Variants in AMZ1 observed in about 807,000 individuals in gnomAD.
AMZ1 encodes the protein archaelysin family metallopeptidase 1, also known as archaemetzincin-1.
AMZ1 carries 39 observed loss-of-function variants against 29.9 expected under a neutral mutation model. That is an observed-to-expected ratio of 1.30 (90% CI 1.01 to 1.70). AMZ1 has a LOEUF of 1.70. Among genes scored for constraint, AMZ1 ranks in the 40% most tolerant of loss-of-function variants. AMZ1 has a pLI of 0.00. For missense variants in AMZ1, 1,041 were observed against 680.6 expected (o/e 1.53, Z -5.89); for synonymous variants, 458 against 304.0 (o/e 1.51, Z -5.27).
At chr7:2,684,747 C>T (rs972950517), upstream of AMZ1, among the ~76,000 whole-genome samples, 8 of 152,158 alleles carry the variant, frequency 5.3e-5, no homozygotes, top group African/African-American at 1.9e-4. Flanking sequence ...GGGGTCCTGG[C>T]ACTGGGCATG....
Position 2,700,651 on chromosome 7 carries a change from T to C in AMZ1, c.200T>C (p.Leu67Pro). Residue 67 changes from leucine (L) to proline (P), a missense_variant, in exon 2 of 7, where the codon CTC (leucine) becomes CCC (proline). Coordinates refer to ENST00000683327, the MANE Select transcript of AMZ1 (RefSeq NM_001384743.1). ...CTCATCCGCACGGGCTTCGACTGGC[T>C]CCTGAGCCGACCCGAGGCTCCCGAG... is the stretch of plus-strand genomic sequence containing the variant. ...TLLIRTGFDW[L>P]LSRPEAPEDF... is the part of the protein sequence containing the mutation. 1 of 1,612,170 alleles carries C rather than the reference T, an allele frequency of 6.2e-7. No homozygotes were observed. Among genetic ancestry groups the C allele is most frequent in the Non-Finnish European group, 8.5e-7 (1 of 1,180,000 alleles).
chr7:2,718,949 A>C lies in AMZ1; in HGVS notation c.*6071A>C, dbSNP rs955169491. On this transcript the variant is annotated 3_prime_UTR_variant, in exon 7 of 7. Coordinates refer to ENST00000683327, the MANE Select transcript of AMZ1 (RefSeq NM_001384743.1). ...GCAGGGGTACAGGAGAGCTCCGGCC[A>C]TTTATTCCAAATGTATGAGCAGGAA... 1.3e-5 allele frequency among the ~76,000 whole-genome samples: 2 copies of C among 151,650 alleles called. No homozygotes were observed. The highest frequency in any genetic ancestry group is 2.9e-5 in the Non-Finnish European group (2 of 67,962).
intron 3 of AMZ1, among the ~76,000 whole-genome samples, chr7:2,704,844 C>T (rs1006214451): frequency 5.3e-5 from 8 of 152,186 alleles, no homozygotes; most frequent in Admixed American, 2.0e-4. Flanking sequence ...GATCTGCCTG[C>T]CTCGGTCTCC....
intron 3 of AMZ1, among the ~76,000 whole-genome samples, chr7:2,707,432 C>T (rs1037293305): frequency 7.2e-5 from 11 of 152,162 alleles, no homozygotes; most frequent in Non-Finnish European, 7.3e-5. Context: ...TCCGGGTTTC[C>T]TGGGCCCGTG....
At chr7:2,688,008 G>GC (rs563745383), upstream of AMZ1, among the ~76,000 whole-genome samples, 1,931 of 147,430 alleles carry the variant, frequency 0.013, 17 homozygotes, top group Non-Finnish European at 0.022. Context: ...AGGCTCTGGG[G>GC]CCCCCCTGCC....
intron 4 of AMZ1, chr7:2,733,416 G>GA (rs762131661): frequency 1.9e-6 from 3 of 1,599,036 alleles, no homozygotes; most frequent in Non-Finnish European, 2.6e-6. Flanking sequence ...TCTAACCCTG[G>GA]AGCCCAGCTT....
At chr7:2,697,076 T>G (rs185450520) in intron 1 of AMZ1, among the ~76,000 whole-genome samples, 1 of 152,156 alleles carries the variant, frequency 6.6e-6, no homozygotes, top group African/African-American at 2.4e-5. Flanking sequence ...TACGGCGTTT[T>G]TGGGCAGTGG....
upstream of AMZ1, chr7:2,762,860 C>A: frequency 6.8e-7 from 1 of 1,468,732 alleles, no homozygotes; most frequent in Non-Finnish European, 9.1e-7. Flanking sequence ...CAGGAGAGGG[C>A]CAGCTCCGAG....
At position 2,714,374 on chromosome 7, in the gene AMZ1, G is replaced by A. The variant is rs565184037; in HGVS notation, c.*1496G>A. On this transcript the variant is annotated 3_prime_UTR_variant, in exon 7 of 7. Coordinates refer to ENST00000683327, the MANE Select transcript of AMZ1 (RefSeq NM_001384743.1). ...CTGACATTGGTGGAGGCCGACTGAA[G>A]GCTCCCGGTCCTGGTCCCACTCCGT... 1 of 152,520 alleles carries A rather than the reference G, an allele frequency of 6.6e-6. No homozygotes were observed. The highest frequency in any genetic ancestry group is 2.4e-5 in the African/African-American group (1 of 41,592). 9.4% of individuals were successfully genotyped at this position (152,520 alleles called of 1,614,324 possible).
intron 4 of AMZ1, among the ~76,000 whole-genome samples, chr7:2,727,057 G>A (rs1789650474): frequency 6.6e-6 from 1 of 152,146 alleles, no homozygotes; most frequent in Admixed American, 6.5e-5. Context: ...AAAGTGTTTT[G>A]AATAAAAGCC....
intron 4 of AMZ1, among the ~76,000 whole-genome samples, chr7:2,727,394 T>C (rs1161670011): frequency 6.6e-6 from 1 of 152,146 alleles, no homozygotes; most frequent in East Asian, 1.9e-4. Context: ...TCATTTATTT[T>C]TAAGATGGGG....
At chr7:2,763,044 G>A (rs547878062), upstream of AMZ1, 14 of 1,248,096 alleles carry the variant, frequency 1.1e-5, no homozygotes, top group African/African-American at 6.2e-5. Context: ...TCAGCGTGCC[G>A]TTCCTCCAGG....
At chr7:2,720,439 T>C (rs1402892648), downstream of AMZ1, among the ~76,000 whole-genome samples, 1 of 152,168 alleles carries the variant, frequency 6.6e-6, no homozygotes, top group Non-Finnish European at 1.5e-5. Context: ...ACAGAGTCTG[T>C]GTTGCCCAGG....
intron 1 of AMZ1, among the ~76,000 whole-genome samples, chr7:2,692,200 G>A (rs1787433898): frequency 6.6e-6 from 1 of 152,210 alleles, no homozygotes. Context: ...GAGGAAGACA[G>A]GTGGGACCAC....
chr7:2,681,551 G>A (rs916448368), intron 1 of AMZ1, among the ~76,000 whole-genome samples: 1 of 152,134 alleles, frequency 6.6e-6, no homozygotes, highest in Non-Finnish European at 1.5e-5. Context: ...ATGAGCCACG[G>A]TGCCCAGCCA....
intron 6 of AMZ1, among the ~76,000 whole-genome samples, chr7:2,711,952 CAGG>C (rs1451596475): frequency 6.6e-6 from 1 of 152,122 alleles, no homozygotes; most frequent in Non-Finnish European, 1.5e-5. Flanking sequence ...GAGGCCAACG[CAGG>C]AGAATTGCTT....
At position 2,713,502 on chromosome 7, in the gene AMZ1, C is replaced by G; in HGVS notation, c.*624C>G. The stretch of plus-strand genomic sequence containing the variant: ...GCCCTTCAGTTATTTATAGCTGGAG[C>G]TGGAGAGGCTGGCTCAGATGAGGAG... On this transcript the variant is annotated 3_prime_UTR_variant, in exon 7 of 7. Transcript: ENST00000683327. 1 of 152,552 alleles carries G rather than the reference C, an allele frequency of 6.6e-6. No individual in the cohort carries two copies. Among genetic ancestry groups the G allele is most frequent in the Middle Eastern group, 3.2e-3 (1 of 316 alleles). The allele number at this position is 152,552 out of a possible 1,614,324, so 9.4% of individuals were successfully genotyped here.
chr7:2,756,889 C>T (rs1791324290), intron 4 of AMZ1, among the ~76,000 whole-genome samples: 1 of 151,624 alleles, frequency 6.6e-6, no homozygotes, highest in African/African-American at 2.4e-5. Flanking sequence ...GTCTGGGTAA[C>T]ACAGTGAGAC....
intron 4 of AMZ1, among the ~76,000 whole-genome samples, chr7:2,740,135 T>TACTA (rs1554255191): frequency 1.3e-5 from 2 of 152,226 alleles, no homozygotes; most frequent in East Asian, 3.8e-4. Context: ...GTGGCCATCC[T>TACTA]ACTAGCTGTG....
Sources: gnomAD v4.1 joint callset for allele counts (sites outside exome capture counted in the v4.1 genomes callset) on GRCh38, gnomAD v4.1.1 for gene constraint, MANE v1.5 for transcripts, NCBI Gene and HGNC (gene_info 2026-07-23, HGNC 2026-07-21) for gene names.